The following CEP63 variants were observed in gnomAD, a reference collection of about 807,000 sequenced individuals.
CEP63 encodes the protein centrosomal protein 63.
A neutral mutation model predicts 89.1 loss-of-function variants in CEP63; 84 were observed. The ratio of observed to expected loss-of-function variants is 0.94; its 90% confidence interval spans 0.79 to 1.13. The LOEUF is 1.13. Ranked by LOEUF, CEP63 falls within the 50% of genes most tolerant of loss-of-function variation. The pLI is 0.00. For missense variants in CEP63, 838 were observed against 813.3 expected (o/e 1.03, Z -0.37); for synonymous variants, 267 against 272.5 (o/e 0.98, Z 0.20).
chr3:134,566,052 GACTGCTTTAA>G (rs1194802426), downstream of CEP63, among the ~76,000 whole-genome samples: 16 of 152,206 alleles, frequency 1.1e-4, no homozygotes, highest in African/African-American at 3.6e-4. Context: ...AGGGATGATA[GACTGCTTTAA>G]ACCAATCTTT....
the CEP63 span, among the ~76,000 whole-genome samples, chr3:134,671,666 CT>C: frequency 6.6e-6 from 1 of 152,138 alleles, no homozygotes; most frequent in South Asian, 2.1e-4. Context: ...CAGAGTCCTG[CT>C]TTTAAGGAAG....
downstream of CEP63, among the ~76,000 whole-genome samples, chr3:134,592,291 T>A (rs897921036): frequency 5.5e-4 from 84 of 152,226 alleles, 1 homozygote; most frequent in African/African-American, 2.0e-3. Flanking sequence ...ATGCCTTTTA[T>A]ATCCTAGTTT....
the CEP63 span, among the ~76,000 whole-genome samples, chr3:134,602,036 G>A: frequency 1.3e-5 from 2 of 152,292 alleles, no homozygotes; most frequent in South Asian, 4.1e-4. Context: ...CACGGAGGAA[G>A]CTATGAGGGT....
At chr3:134,635,575 G>A in the CEP63 span, among the ~76,000 whole-genome samples, 1 of 146,150 alleles carries the variant, frequency 6.8e-6, no homozygotes, top group Non-Finnish European at 1.5e-5. Context: ...GTCCACACAA[G>A]ATAATTTTAA....
the CEP63 span, among the ~76,000 whole-genome samples, chr3:134,619,528 G>A: frequency 3.9e-5 from 6 of 152,252 alleles, no homozygotes; most frequent in Non-Finnish European, 7.3e-5. Context: ...GACCAGGACA[G>A]TGCAGAGGCA....
chr3:134,507,237 A>G lies in CEP63; in HGVS notation c.173A>G (p.Glu58Gly), dbSNP rs767168421. 1.2e-6 allele frequency: 2 copies of G among 1,613,938 alleles called. No homozygotes were observed. Among genetic ancestry groups the G allele is most frequent in the Admixed American group, 1.7e-5 (1 of 60,022 alleles). ...HALETCLKIR[E>G]QELKSLRSQL... ...CTAGAAACTTGCTTGAAAATCCGTG[A>G]ACAGGAACTTAAGAGTCTTAGGAGT... Residue 58 changes from glutamate (E) to glycine (G), a missense_variant, in exon 3 of 15, where the codon GAA (glutamate) becomes GGA (glycine). Transcript: ENST00000675561.
the CEP63 span, among the ~76,000 whole-genome samples, chr3:134,626,204 A>T: frequency 6.6e-6 from 1 of 152,218 alleles, no homozygotes; most frequent in South Asian, 2.1e-4. Context: ...AGGTGGACCC[A>T]CCCACCTTCA....
chr3:134,741,987 A>AGT, the CEP63 span, among the ~76,000 whole-genome samples: 19,469 of 147,432 alleles, frequency 0.13, 1,489 homozygotes, highest in South Asian at 0.32. Context: ...CTGAGAGACC[A>AGT]GTGTGTGTGT....
the CEP63 span, among the ~76,000 whole-genome samples, chr3:134,754,194 C>T: frequency 6.6e-6 from 1 of 152,208 alleles, no homozygotes; most frequent in African/African-American, 2.4e-5. Context: ...GCTACACACA[C>T]CACCAGCAGG....
At chr3:134,778,483 TTTAG>T in the CEP63 span, among the ~76,000 whole-genome samples, 6 of 152,266 alleles carry the variant, frequency 3.9e-5, no homozygotes, top group Admixed American at 6.5e-5. Context: ...ATGACTAAAG[TTTAG>T]TTAGTCAATG....
At chr3:134,508,049 G>C (rs1217608488) in intron 3 of CEP63, among the ~76,000 whole-genome samples, 1 of 152,174 alleles carries the variant, frequency 6.6e-6, no homozygotes, top group Non-Finnish European at 1.5e-5. Flanking sequence ...TACCAGTAGG[G>C]TCACCATTCA....
At chr3:134,697,461 G>T in the CEP63 span, among the ~76,000 whole-genome samples, 1 of 152,148 alleles carries the variant, frequency 6.6e-6, no homozygotes, top group Non-Finnish European at 1.5e-5. Flanking sequence ...ATGTAGATGG[G>T]CTGTGTACAG....
chr3:134,738,840 C>G, the CEP63 span, among the ~76,000 whole-genome samples: 2 of 152,026 alleles, frequency 1.3e-5, no homozygotes, highest in African/African-American at 4.8e-5. Flanking sequence ...ATCTTAATAG[C>G]GTTTCTCTAA....
chr3:134,737,091 T>C, the CEP63 span, among the ~76,000 whole-genome samples: 1 of 152,196 alleles, frequency 6.6e-6, no homozygotes, highest in Non-Finnish European at 1.5e-5. Context: ...ATGAAGTCAA[T>C]TGTTATTTAT....
chr3:134,767,063 G>C, the CEP63 span, among the ~76,000 whole-genome samples: 1 of 152,130 alleles, frequency 6.6e-6, no homozygotes, highest in East Asian at 1.9e-4. Context: ...TCTGAAGGGG[G>C]ATCTGGTCTG....
At chr3:134,557,376 G>GT (rs199930556) in intron 12 of CEP63, among the ~76,000 whole-genome samples, 2,138 of 101,168 alleles carry the variant, frequency 0.021, 231 homozygotes, top group African/African-American at 0.051. Flanking sequence ...TTCATAATTT[G>GT]TTTTTTTTTT....
chr3:134,517,099 C>T (rs539428438), intron 3 of CEP63, among the ~76,000 whole-genome samples: 10 of 152,308 alleles, frequency 6.6e-5, no homozygotes, highest in African/African-American at 2.4e-4. Flanking sequence ...CAGCTGCTTA[C>T]TTCAGTAATA....
At chr3:134,650,448 G>C in the CEP63 span, among the ~76,000 whole-genome samples, 18 of 151,994 alleles carry the variant, frequency 1.2e-4, no homozygotes, top group African/African-American at 4.1e-4. Context: ...AGTGTGCTGT[G>C]GGGGGGAGCA....
At chr3:134,674,395 C>T in the CEP63 span, among the ~76,000 whole-genome samples, 3 of 152,130 alleles carry the variant, frequency 2.0e-5, no homozygotes, top group Non-Finnish European at 4.4e-5. Context: ...AACATTATTT[C>T]ATATTAAAAA....
Sources: gnomAD v4.1 joint callset for allele counts (sites outside exome capture counted in the v4.1 genomes callset) on GRCh38, gnomAD v4.1.1 for gene constraint, MANE v1.5 for transcripts, NCBI Gene and HGNC (gene_info 2026-07-23, HGNC 2026-07-21) for gene names.